The following TNRC6A variants were observed in gnomAD, a reference collection of about 807,000 sequenced individuals.
TNRC6A encodes the protein trinucleotide repeat containing adaptor 6A.
In TNRC6A, 44 loss-of-function variants were observed where a neutral mutation model predicts 221.2. The ratio of observed to expected loss-of-function variants is 0.20; its 90% CI spans 0.16 to 0.26. The LOEUF (loss-of-function observed/expected upper bound fraction) is 0.26. TNRC6A is among the 10% of genes least tolerant of loss of function. The probability of loss-of-function intolerance (pLI) is 1.00; values close to 1 mark genes in which losing one functional copy is unlikely to be tolerated. For missense variants in TNRC6A, 2,199 were observed against 2,404.4 expected (o/e 0.91, Z 1.79); for synonymous variants, 847 against 838.5 (o/e 1.01, Z -0.18).
chr16:24,741,554 A>G (rs2056893495), intron 2 of TNRC6A, among the ~76,000 whole-genome samples: 1 of 152,156 alleles, frequency 6.6e-6, no homozygotes, highest in Non-Finnish European at 1.5e-5. Flanking sequence ...TGTATTCATA[A>G]GGGTTATTGG....
chr16:24,825,989 C>G lies in TNRC6A; in HGVS notation c.*2182C>G, dbSNP rs2058852520. ...ATGTTGTCGGACACCTTACTATAAG[C>G]AAATGTTATTCAGTGCGTTCAATGT... On this transcript the variant is annotated 3_prime_UTR_variant, in exon 25 of 25. Coordinates refer to ENST00000395799, the MANE Select transcript of TNRC6A (RefSeq NM_014494.4). The G allele has an allele frequency of 6.6e-6, 1 of 152,650 alleles. No homozygotes were observed. Among genetic ancestry groups the G allele is most frequent in the African/African-American group, 2.4e-5 (1 of 41,458 alleles). 9.5% of individuals were successfully genotyped at this position (152,650 alleles called of 1,614,324 possible).
intron 4 of TNRC6A, among the ~76,000 whole-genome samples, chr16:24,771,165 G>A (rs374603640): frequency 7.9e-5 from 12 of 152,172 alleles, no homozygotes; most frequent in East Asian, 5.8e-4. Flanking sequence ...ATGTATGTTC[G>A]TATGTAATAA....
intron 5 of TNRC6A, chr16:24,778,279 C>T: frequency 1.0e-6 from 1 of 985,036 alleles, no homozygotes; most frequent in Non-Finnish European, 1.2e-6. Context: ...ACTTTCTATA[C>T]CTGTGCTCTC....
At chr16:24,815,458 G>A (rs1424268802) in intron 19 of TNRC6A, 153 bp downstream of exon 19, 1 of 894,972 alleles carries the variant, frequency 1.1e-6, no homozygotes, top group East Asian at 2.7e-5. Flanking sequence ...GAAAAGTTAA[G>A]CATGAAGTCT....
chr16:24,702,509 C>T (rs932842110), intron 2 of TNRC6A, among the ~76,000 whole-genome samples: 2 of 152,084 alleles, frequency 1.3e-5, no homozygotes, highest in Non-Finnish European at 2.9e-5. Context: ...TCATAGTATA[C>T]CACTGCTATT....
intron 4 of TNRC6A, among the ~76,000 whole-genome samples, chr16:24,768,023 G>A (rs1467279649): frequency 6.6e-6 from 1 of 152,168 alleles, no homozygotes; most frequent in East Asian, 1.9e-4. Context: ...TAAGTGTAAG[G>A]CTGAAGAATC....
chr16:24,709,909 T>C (rs2056172197), intron 2 of TNRC6A, among the ~76,000 whole-genome samples: 1 of 151,502 alleles, frequency 6.6e-6, no homozygotes, highest in African/African-American at 2.4e-5. Context: ...CTTAAATACA[T>C]GAACAAAGGT....
chr16:24,655,276 T>C (rs1415497299), intron 2 of TNRC6A, among the ~76,000 whole-genome samples: 1 of 151,874 alleles, frequency 6.6e-6, no homozygotes, highest in East Asian at 2.0e-4. Context: ...GGGGGAACAC[T>C]GATAGAAAAA....
At chr16:24,662,601 A>T (rs1355286921) in intron 2 of TNRC6A, 1 of 152,506 alleles carries the variant, frequency 6.6e-6, no homozygotes, top group African/African-American at 2.4e-5. Context: ...AATAACCCAA[A>T]TATCCAGCAT....
chr16:24,742,815 C>T (rs2056920701), intron 2 of TNRC6A, among the ~76,000 whole-genome samples: 1 of 152,006 alleles, frequency 6.6e-6, no homozygotes, highest in Non-Finnish European at 1.5e-5. Context: ...CCCAGCTGCT[C>T]AGGAGTATTG....
At chr16:24,622,243 C>T (rs966136788) in intron 1 of TNRC6A, among the ~76,000 whole-genome samples, 1 of 151,868 alleles carries the variant, frequency 6.6e-6, no homozygotes, top group Admixed American at 6.6e-5. Flanking sequence ...AGACTCTATC[C>T]CTAAGAAAAA....
Position 24,789,286 on chromosome 16 carries a change from T to A in TNRC6A, c.644T>A (p.Val215Glu). 6.2e-7 allele frequency: 1 copy of A among 1,613,576 alleles called. No homozygotes were observed. Among genetic ancestry groups the A allele is most frequent in the Non-Finnish European group, 8.5e-7 (1 of 1,179,740 alleles). Residue 215 changes from valine to glutamate, a missense_variant, in exon 6 of 25, where the codon GTG (valine) becomes GAG (glutamate). Coordinates refer to ENST00000395799, the MANE Select transcript of TNRC6A (RefSeq NM_014494.4). ...TATGAAAATTCCCAGCGGGGACCTG[T>A]GTCTTCTACAAGTGATTCTAGCACA... Reference protein sequence around the residue: ...SHYENSQRGPVSSTSDSSTNC... With the variant: ...SHYENSQRGPESSTSDSSTNC...
intron 2 of TNRC6A, among the ~76,000 whole-genome samples, chr16:24,719,968 G>A (rs2056381487): frequency 6.6e-6 from 1 of 152,178 alleles, no homozygotes; most frequent in African/African-American, 2.4e-5. Context: ...GTTAAGGCAG[G>A]TGCTGGTCAG....
chr16:24,802,143 A>G (rs2058343740), intron 11 of TNRC6A, among the ~76,000 whole-genome samples: 1 of 152,212 alleles, frequency 6.6e-6, no homozygotes, highest in Non-Finnish European at 1.5e-5. Context: ...GGTAAGTATT[A>G]TGGTGGTGGC....
At chr16:24,758,306 A>G in intron 3 of TNRC6A, 33 bp from the exon 4 acceptor site, 1 of 1,589,088 alleles carries the variant, frequency 6.3e-7, no homozygotes, top group Non-Finnish European at 8.6e-7. Flanking sequence ...TTTCATATTT[A>G]CATTGTTTTT....
chr16:24,806,860 C>A, intron 17 of TNRC6A, 76 bp downstream of exon 17: 1 of 1,344,568 alleles, frequency 7.4e-7, no homozygotes, highest in Non-Finnish European at 1.1e-6. Flanking sequence ...CGTACCCTTA[C>A]AGCTCTGTTC....
rs1158810039 is a variant in TNRC6A at position 24,734,049 on chromosome 16, CCTG to C, written c.53+3750_53+3752del. Among the ~76,000 whole-genome samples, 27 of 152,228 alleles carry C rather than the reference CCTG, an allele frequency of 1.8e-4. No individual in the cohort carries two copies. The East Asian group carries it at 5.2e-3, about 29-fold the overall frequency. ...AATTAGCTGGGTGTGGTGGTGTGCA[CCTG>C]TAGTCCCAGCTACTTGGGAGGCTGA... On this transcript the variant is annotated intron_variant, in intron 2 of 24. Coordinates refer to ENST00000395799, the MANE Select transcript of TNRC6A (RefSeq NM_014494.4).
chr16:24,750,861 T>A (rs2057121003), intron 3 of TNRC6A, 48 bp downstream of exon 3: 1 of 1,342,384 alleles, frequency 7.4e-7, no homozygotes, highest in Non-Finnish European at 9.7e-7. Context: ...AACATAGAAT[T>A]AAAAAAAAAT....
intron 17 of TNRC6A, 21 bp from the exon 18 acceptor site, chr16:24,809,329 T>C: frequency 6.7e-7 from 1 of 1,490,574 alleles, no homozygotes; most frequent in Non-Finnish European, 9.0e-7. Context: ...TAAGGTTTTG[T>C]TTTGTTTTTT....
Sources: gnomAD v4.1 joint callset for allele counts (sites outside exome capture counted in the v4.1 genomes callset) on GRCh38, gnomAD v4.1.1 for gene constraint, MANE v1.5 for transcripts, NCBI Gene and HGNC (gene_info 2026-07-23, HGNC 2026-07-21) for gene names.